GLYR1: variants seen among roughly 807,000 people sequenced by gnomAD.
GLYR1 encodes the protein glyoxylate reductase 1 homolog.
GLYR1 carries 21 observed loss-of-function variants against 72.7 expected under a neutral mutation model. The ratio of observed to expected loss-of-function variants is 0.29; its 90% CI spans 0.20 to 0.42. The LOEUF is 0.42. GLYR1 is among the 10% of genes least tolerant of loss of function. The pLI is 1.00. For missense variants in GLYR1, 594 were observed against 712.1 expected (o/e 0.83, Z 1.89); for synonymous variants, 392 against 270.2 (o/e 1.45, Z -4.42).
Position 4,811,698 on chromosome 16 carries a change from G to T in GLYR1, c.1387C>A (p.Gln463Lys). The T allele has an allele frequency of 6.2e-7, 1 of 1,614,202 alleles. No individual in the cohort carries two copies. Among genetic ancestry groups the T allele is most frequent in the Non-Finnish European group, 8.5e-7 (1 of 1,180,024 alleles). ...ATGTCCAAGAGTGTCTGCTGGGACT[G>T]GCCTGTCACCTGGGCCAGGGTCAGC... ...EGLTLAQVTG[Q>K]SQQTLLDILN... The change falls in exon 14 of 16, where the codon CAG (glutamine) becomes AAG (lysine). Residue 463 changes from glutamine (Q) to lysine (K), a missense_variant. By Grantham distance (53) the Gln-to-Lys change is moderately conservative. This residue lies in a region of GLYR1 where 266 missense variants were observed against 358.4 expected (regional missense o/e 0.74). Transcript: ENST00000321919.
At chr16:4,833,409 T>A (rs537671900) in intron 3 of GLYR1, among the ~76,000 whole-genome samples, 1 of 152,340 alleles carries the variant, frequency 6.6e-6, no homozygotes, top group Admixed American at 6.5e-5. Context: ...ACCAGATTTA[T>A]GATCTGTTGA....
chr16:4,820,226 T>A (rs970439686), intron 9 of GLYR1, among the ~76,000 whole-genome samples: 2 of 152,156 alleles, frequency 1.3e-5, no homozygotes, highest in African/African-American at 2.4e-5. Flanking sequence ...TGACCTCAGG[T>A]AATCCGCCCA....
At chr16:4,816,440 T>A (rs1282182702) in intron 10 of GLYR1, among the ~76,000 whole-genome samples, 1 of 152,178 alleles carries the variant, frequency 6.6e-6, no homozygotes, top group African/African-American at 2.4e-5. Flanking sequence ...TATTCTTAGA[T>A]CTAAAATTAT....
rs1326857363 is a variant in GLYR1, at chr16:4,832,241, A to C, written c.295-20T>G. The C allele has an allele frequency of 6.2e-7, 1 of 1,612,666 alleles. No individual in the cohort carries two copies. Among genetic ancestry groups the C allele is most frequent in the East Asian group, 2.2e-5 (1 of 44,878 alleles). ...TGACGTCTGAAAGTTTAATAATAAT[A>C]ATGATAACTACCACCACAGCTGCTG... On this transcript the variant is annotated intron_variant, in intron 4 of 15. Coordinates refer to ENST00000321919, the MANE Select transcript of GLYR1 (RefSeq NM_032569.4).
intron 5 of GLYR1, among the ~76,000 whole-genome samples, chr16:4,827,881 C>A (rs1484364303): frequency 6.6e-6 from 1 of 151,900 alleles, no homozygotes; most frequent in Non-Finnish European, 1.5e-5. Context: ...GCCTGGGCGA[C>A]AGCACGAGAC....
rs538466642 is a variant in GLYR1 at position 4,805,045 on chromosome 16, T to G, written c.*191A>C. 2 of 604,656 alleles carry G rather than the reference T, an allele frequency of 3.3e-6. No individual in the cohort carries two copies. Among genetic ancestry groups the G allele is most frequent in the Non-Finnish European group, 6.0e-6 (2 of 334,962 alleles). 37.5% of individuals were successfully genotyped at this position (604,656 alleles called of 1,614,324 possible). ...TCCCACACGCCAATCCTGCTGACAC[T>G]TGTCCCCTCCCCACCGGCCTCAGGG... On this transcript the variant is annotated 3_prime_UTR_variant, in exon 16 of 16. Coordinates refer to ENST00000321919, the MANE Select transcript of GLYR1 (RefSeq NM_032569.4).
chr16:4,811,436 T>TA (rs1461142857), intron 14 of GLYR1, 142 bp from the exon 15 acceptor site: 4 of 1,290,428 alleles, frequency 3.1e-6, no homozygotes, highest in East Asian at 2.4e-5. Flanking sequence ...CACTCACCCT[T>TA]AGACACCTGA....
At chr16:4,834,208 T>C (rs2084975303) in intron 3 of GLYR1, among the ~76,000 whole-genome samples, 3 of 151,944 alleles carry the variant, frequency 2.0e-5, no homozygotes, top group Non-Finnish European at 4.4e-5. Flanking sequence ...CTATCAGGCA[T>C]GCCACCATGG....
intron 5 of GLYR1, among the ~76,000 whole-genome samples, chr16:4,828,790 G>A (rs1212265572): frequency 6.6e-6 from 1 of 152,044 alleles, no homozygotes; most frequent in Non-Finnish European, 1.5e-5. Context: ...AAGGAAACTG[G>A]GGCAAAGGTG....
intron 15 of GLYR1, among the ~76,000 whole-genome samples, chr16:4,808,598 C>CTAAAATAAAATAAAATAAAATAAAA (rs370659586): frequency 6.6e-6 from 1 of 151,414 alleles, no homozygotes; most frequent in African/African-American, 2.4e-5. Flanking sequence ...AACTCGGTCT[C>CTAAAATAAAATAAAATAAAATAAAA]TAAAATAAAA....
intron 5 of GLYR1, among the ~76,000 whole-genome samples, chr16:4,825,896 C>T (rs1206820561): frequency 6.6e-6 from 1 of 152,188 alleles, no homozygotes; most frequent in Non-Finnish European, 1.5e-5. Context: ...TCGTGATCCG[C>T]CCGCCTCGGC....
At chr16:4,840,488 T>A (rs1426202843) in intron 3 of GLYR1, among the ~76,000 whole-genome samples, 2 of 152,040 alleles carry the variant, frequency 1.3e-5, no homozygotes, top group African/African-American at 2.4e-5. Context: ...CTGGCTGACA[T>A]CCTTTAGGAA....
intron 3 of GLYR1, among the ~76,000 whole-genome samples, chr16:4,842,944 C>A (rs1170956663): frequency 6.6e-6 from 1 of 152,172 alleles, no homozygotes; most frequent in African/African-American, 2.4e-5. Context: ...AAGCAATCTG[C>A]CTGCCCCGGC....
At chr16:4,841,176 A>G (rs543576041) in intron 3 of GLYR1, among the ~76,000 whole-genome samples, 1 of 152,266 alleles carries the variant, frequency 6.6e-6, no homozygotes, top group South Asian at 2.1e-4. Flanking sequence ...CATCCAGGCT[A>G]TTTTTGTCTT....
At chr16:4,809,194 T>G (rs1274542549) in intron 15 of GLYR1, among the ~76,000 whole-genome samples, 1 of 141,558 alleles carries the variant, frequency 7.1e-6, no homozygotes. Context: ...TTTCGTTTTT[T>G]TTTTTTTTTT....
chr16:4,840,780 T>C (rs2085493889), intron 3 of GLYR1, among the ~76,000 whole-genome samples: 1 of 152,190 alleles, frequency 6.6e-6, no homozygotes, highest in Non-Finnish European at 1.5e-5. Context: ...GTGGAACCGG[T>C]ACCTGAATGC....
At chr16:4,808,360 G>T (rs1167948619) in intron 15 of GLYR1, among the ~76,000 whole-genome samples, 1 of 152,190 alleles carries the variant, frequency 6.6e-6, no homozygotes, top group Non-Finnish European at 1.5e-5. Context: ...ACTTAGGTAG[G>T]CTGAGGTGGG....
At chr16:4,836,158 GTC>G (rs1274736068) in intron 3 of GLYR1, among the ~76,000 whole-genome samples, 1 of 152,048 alleles carries the variant, frequency 6.6e-6, no homozygotes, top group Non-Finnish European at 1.5e-5. Flanking sequence ...ATGCACCACT[GTC>G]TAATTCACGG....
intron 9 of GLYR1, chr16:4,821,142 C>G (rs1180568335): frequency 8.7e-6 from 5 of 576,362 alleles, no homozygotes; most frequent in Non-Finnish European, 1.2e-5. Context: ...GTGCTCCTTG[C>G]TCTTGAGTTC....
Sources: gnomAD v4.1 joint callset for allele counts (sites outside exome capture counted in the v4.1 genomes callset) on GRCh38, gnomAD v4.1.1 for gene constraint, gnomAD v4.1.1 regional missense constraint, MANE v1.5 for transcripts, NCBI Gene and HGNC (gene_info 2026-07-23, HGNC 2026-07-21) for gene names.